IPO11: variants seen among roughly 807,000 people sequenced by gnomAD.
The protein encoded by IPO11 is importin 11, also known as importin-11.
In IPO11, 66 loss-of-function variants were observed where a neutral mutation model predicts 143.2. The observed-to-expected ratio is 0.46, with a 90% CI of 0.38 to 0.57. IPO11 has a LOEUF of 0.57. Among genes scored for constraint, IPO11 ranks in the 20% least tolerant of loss-of-function variants. The pLI is 0.00. For missense variants in IPO11, 1,026 were observed against 1,141.0 expected, an observed-to-expected ratio of 0.90 and a Z score of 1.45; for synonymous variants, 385 against 377.8, an observed-to-expected ratio of 1.02 and a Z score of -0.22.
intron 29 of IPO11, among the ~76,000 whole-genome samples, chr5:62,613,045 A>G (rs766238755): frequency 1.3e-5 from 2 of 152,228 alleles, no homozygotes; most frequent in East Asian, 1.9e-4. Context: ...AGTCTGATCA[A>G]TGGGATAAGT....
chr5:62,515,496 G>A lies in IPO11; in HGVS notation c.1891G>A (p.Val631Ile). The A allele has an allele frequency of 1.3e-6, 2 of 1,589,082 alleles. No homozygotes were observed. Among genetic ancestry groups the A allele is most frequent in the Non-Finnish European group, 1.7e-6 (2 of 1,166,646 alleles). Residue 631 changes from valine (V) to isoleucine (I), a missense_variant, in exon 20 of 30, where the codon GTT (valine) becomes ATT (isoleucine). Physicochemically the swap from Val to Ile is conservative, Grantham distance 29. Coordinates refer to ENST00000325324, the MANE Select transcript of IPO11 (RefSeq NM_016338.5). The part of the protein sequence containing the change: ...CAILTTLIHL[V>I]QGLGADSKNL... ...TATTTTGACAACACTTATTCATCTT[G>A]TTCAGGTAAGTCACTTCTCCACAGA...
intron 28 of IPO11, 85 bp from the exon 29 acceptor site, chr5:62,601,679 A>G: frequency 1.7e-6 from 1 of 575,966 alleles, no homozygotes; most frequent in Non-Finnish European, 2.8e-6. Context: ...AGAATTATTC[A>G]TGTTCTTAGT....
intron 21 of IPO11, among the ~76,000 whole-genome samples, chr5:62,530,394 AT>A (rs1200400941): frequency 1.3e-5 from 2 of 152,114 alleles, no homozygotes; most frequent in African/African-American, 2.4e-5. Flanking sequence ...TGAATACTGT[AT>A]TTTTAATCTT....
intron 18 of IPO11, 86 bp from the exon 19 acceptor site, chr5:62,506,154 AT>A: frequency 1.5e-6 from 1 of 653,962 alleles, no homozygotes; most frequent in Admixed American, 2.8e-5. Flanking sequence ...TGACATTATG[AT>A]TTATTTCTTA....
At chr5:62,620,473 T>C (rs1373699073) in intron 29 of IPO11, among the ~76,000 whole-genome samples, 15 of 149,014 alleles carry the variant, frequency 1.0e-4, no homozygotes, top group African/African-American at 3.2e-4. Context: ...GAGCCAAGAT[T>C]GTGCCACTGC....
intron 22 of IPO11, among the ~76,000 whole-genome samples, chr5:62,533,964 A>G (rs10664343): frequency 6.7e-6 from 1 of 148,584 alleles, no homozygotes; most frequent in Non-Finnish European, 1.5e-5. Flanking sequence ...AAAAAAAAAA[A>G]AAAGAAAGCC....
intron 1 of IPO11, chr5:62,418,825 A>C: frequency 3.6e-6 from 2 of 553,142 alleles, no homozygotes; most frequent in Admixed American, 6.7e-5. Context: ...TAGGTCATGC[A>C]GACAACCTAG....
intron 9 of IPO11, among the ~76,000 whole-genome samples, chr5:62,479,721 C>T (rs541715400): frequency 4.6e-5 from 7 of 152,168 alleles, no homozygotes; most frequent in Non-Finnish European, 8.8e-5. Flanking sequence ...TGTCTGCTGG[C>T]TGCATAAATG....
At chr5:62,485,557 T>C (rs941495709) in intron 12 of IPO11, 95 bp downstream of exon 12, 74 of 1,012,750 alleles carry the variant, frequency 7.3e-5, no homozygotes, top group Non-Finnish European at 1.1e-4. Flanking sequence ...TTCCAGACAT[T>C]TGCTGGGCAT....
intron 29 of IPO11, among the ~76,000 whole-genome samples, chr5:62,618,960 G>A (rs1031931137): frequency 3.3e-5 from 5 of 152,160 alleles, no homozygotes; most frequent in Admixed American, 2.0e-4. Context: ...GCCGGGCTGG[G>A]TGGCTTACGC....
At chr5:62,568,743 A>G (rs1041490244) in intron 27 of IPO11, among the ~76,000 whole-genome samples, 4 of 152,166 alleles carry the variant, frequency 2.6e-5, no homozygotes, top group African/African-American at 9.7e-5. Context: ...TCACTGATGC[A>G]TTATTTAGTG....
intron 29 of IPO11, among the ~76,000 whole-genome samples, chr5:62,603,975 C>T (rs1290216844): frequency 1.3e-5 from 2 of 152,112 alleles, no homozygotes; most frequent in Non-Finnish European, 2.9e-5. Context: ...CTACAGTATT[C>T]GCTACAGTAA....
intron 9 of IPO11, 101 bp from the exon 10 acceptor site, chr5:62,483,000 C>G: frequency 1.3e-6 from 1 of 778,060 alleles, no homozygotes; most frequent in Non-Finnish European, 2.0e-6. Flanking sequence ...AAGGTTCAAA[C>G]TGCTAAATGA....
chr5:62,441,871 G>C (rs1744494194), intron 2 of IPO11, among the ~76,000 whole-genome samples: 2 of 148,760 alleles, frequency 1.3e-5, no homozygotes, highest in Non-Finnish European at 3.0e-5. Flanking sequence ...TTTTGAGACA[G>C]AGTCTCACTC....
Position 62,568,467 on chromosome 5 carries a change from G to A in IPO11, c.2582+7210G>A, listed in dbSNP as rs542522069. ...TGCACACCTGTAATCCCAGCTACTC[G>A]GGAGGCTGAGGCTGGAGACTCACTT... is the stretch of plus-strand genomic sequence containing the variant. On this transcript the variant is annotated intron_variant, in intron 27 of 29. Coordinates refer to ENST00000325324, the MANE Select transcript of IPO11 (RefSeq NM_016338.5). 2.0e-5 allele frequency among the ~76,000 whole-genome samples: 3 copies of A among 149,484 alleles called. No individual in the cohort carries two copies. The East Asian group carries it at 5.9e-4, about 30-fold the overall frequency.
At chr5:62,536,563 A>G in intron 22 of IPO11, 139 bp from the exon 23 acceptor site, 2 of 933,534 alleles carry the variant, frequency 2.1e-6, no homozygotes, top group South Asian at 3.7e-5. Context: ...ATCTGTAGAT[A>G]CTGGTAGTCT....
At chr5:62,458,298 T>C (rs1310884029) in intron 5 of IPO11, among the ~76,000 whole-genome samples, 2 of 152,186 alleles carry the variant, frequency 1.3e-5, no homozygotes, top group African/African-American at 4.8e-5. Context: ...TGTAATTTTA[T>C]AGTGGCTTTT....
intron 27 of IPO11, among the ~76,000 whole-genome samples, chr5:62,565,459 C>G (rs1743902372): frequency 6.6e-6 from 1 of 152,152 alleles, no homozygotes; most frequent in Non-Finnish European, 1.5e-5. Flanking sequence ...GCACTCCAGC[C>G]TGGGCAACAG....
At chr5:62,523,436 G>A (rs1321462890) in intron 20 of IPO11, among the ~76,000 whole-genome samples, 4 of 152,140 alleles carry the variant, frequency 2.6e-5, no homozygotes, top group African/African-American at 4.8e-5. Flanking sequence ...GAAACGTTAC[G>A]ATTTTTATTT....
Sources: allele counts gnomAD v4.1 joint callset (sites outside exome capture counted in the v4.1 genomes callset), GRCh38; gene constraint gnomAD v4.1.1; transcripts MANE v1.5; gene names NCBI Gene and HGNC (gene_info 2026-07-23, HGNC 2026-07-21).